Variants in SRGAP3 observed in about 807,000 individuals in gnomAD.
SRGAP3 encodes SLIT-ROBO Rho GTPase-activating protein 3.
A neutral mutation model predicts 121.1 loss-of-function variants in SRGAP3; 39 were observed. The observed-to-expected ratio is 0.32, with a 90% CI of 0.25 to 0.42. The LOEUF (loss-of-function observed/expected upper bound fraction) is 0.42, where lower values mean the gene tolerates loss of function less well. Among genes scored for constraint, SRGAP3 ranks in the 10% least tolerant of loss-of-function variants. SRGAP3 has a pLI of 1.00. For missense variants in SRGAP3, 1,213 were observed against 1,470.6 expected, an observed-to-expected ratio of 0.82 and a Z score of 2.86; for synonymous variants, 601 against 570.0, an observed-to-expected ratio of 1.05 and a Z score of -0.77.
intron 3 of SRGAP3, among the ~76,000 whole-genome samples, chr3:9,319,975 A>G (rs990255632): frequency 6.6e-6 from 1 of 151,930 alleles, no homozygotes; most frequent in African/African-American, 2.4e-5. Context: ...CTGAGAACAA[A>G]GCTGGTCTCA....
chr3:9,120,038 C>T (rs530357708), intron 2 of SRGAP3, among the ~76,000 whole-genome samples: 10 of 152,362 alleles, frequency 6.6e-5, no homozygotes, highest in African/African-American at 2.2e-4. Flanking sequence ...TCAGAATACT[C>T]CATAGTGTAT....
chr3:9,212,249 G>A (rs1574877972), intron 1 of SRGAP3, among the ~76,000 whole-genome samples: 1 of 152,166 alleles, frequency 6.6e-6, no homozygotes, highest in African/African-American at 2.4e-5. Context: ...AACCACGCTG[G>A]TCCCAGCTCC....
At chr3:9,247,846 C>A (rs935633796) in intron 1 of SRGAP3, among the ~76,000 whole-genome samples, 2 of 152,258 alleles carry the variant, frequency 1.3e-5, no homozygotes, top group African/African-American at 4.8e-5. Flanking sequence ...AGGCTTCCCA[C>A]AGGGCACATC....
chr3:9,070,171 T>C (rs1157877536), intron 4 of SRGAP3, among the ~76,000 whole-genome samples: 1 of 152,170 alleles, frequency 6.6e-6, no homozygotes, highest in African/African-American at 2.4e-5. Flanking sequence ...TTTCAGCCCC[T>C]CATTTAAATG....
At chr3:8,992,777 C>A in intron 20 of SRGAP3, 129 bp downstream of exon 20, 1 of 1,549,018 alleles carries the variant, frequency 6.5e-7, no homozygotes, top group Non-Finnish European at 8.9e-7. Context: ...CCCAGTGTGC[C>A]CATTTCATTT....
intron 3 of SRGAP3, among the ~76,000 whole-genome samples, chr3:9,317,399 C>T (rs2125280819): frequency 6.6e-6 from 1 of 152,332 alleles, no homozygotes; most frequent in South Asian, 2.1e-4. Flanking sequence ...TGTTTGCCTG[C>T]AATTCCTTCT....
At chr3:9,319,964 T>G (rs980920963) in intron 3 of SRGAP3, among the ~76,000 whole-genome samples, 6 of 151,922 alleles carry the variant, frequency 3.9e-5, no homozygotes, top group Non-Finnish European at 8.8e-5. Flanking sequence ...GCAGCCTTCT[T>G]CTGAGAACAA....
rs1283809386 is a variant in SRGAP3 at position 9,326,411 on chromosome 3, C to T, written n.284-243G>A. ...TGACTGTCTTCCCAGGTATATGGAA[C>T]CAAACATTGGTTTTAAACTATTTCC... On this transcript the variant is annotated intron_variant and non_coding_transcript_variant, in intron 2 of 3. Transcript: ENST00000490889. Among the ~76,000 whole-genome samples, 3 of 151,856 alleles carry T rather than the reference C, an allele frequency of 2.0e-5. 1 individual carries two copies. The highest frequency in any genetic ancestry group is 6.5e-5 in the Admixed American group (1 of 15,278).
chr3:9,039,329 C>A (rs1330506898), intron 10 of SRGAP3, among the ~76,000 whole-genome samples: 1 of 152,196 alleles, frequency 6.6e-6, no homozygotes, highest in East Asian at 1.9e-4. Context: ...GGAGTGCCAT[C>A]AGGACACAGA....
intron 18 of SRGAP3, among the ~76,000 whole-genome samples, chr3:9,000,619 T>C (rs1449649649): frequency 3.9e-5 from 6 of 152,198 alleles, no homozygotes; most frequent in Non-Finnish European, 5.9e-5. Context: ...TGATGGTTCA[T>C]GAATTTAACG....
chr3:9,321,212 C>G (rs968899606), intron 3 of SRGAP3, among the ~76,000 whole-genome samples: 2 of 151,852 alleles, frequency 1.3e-5, no homozygotes, highest in Non-Finnish European at 2.9e-5. Context: ...AGAGAGTGGA[C>G]AAGCCTTCAG....
chr3:9,187,760 C>T (rs1951642838), intron 1 of SRGAP3, among the ~76,000 whole-genome samples: 1 of 152,218 alleles, frequency 6.6e-6, no homozygotes, highest in Non-Finnish European at 1.5e-5. Context: ...TACCCTCAGG[C>T]TCGATCTCAT....
At chr3:9,304,021 C>T (rs1362397086) in intron 3 of SRGAP3, among the ~76,000 whole-genome samples, 1 of 152,158 alleles carries the variant, frequency 6.6e-6, no homozygotes, top group Non-Finnish European at 1.5e-5. Context: ...GCTATAATAA[C>T]TTCGTCTGGA....
rs73813264 is a variant in SRGAP3 at position 9,026,542 on chromosome 3, T to G, written c.1600+393A>C. On this transcript the variant is annotated intron_variant, in intron 13 of 21. Transcript: ENST00000383836. The stretch of plus-strand genomic sequence containing the variant: ...TTGGTGCAAAAGTAATTGCGGTTTT[T>G]GCCATTCAAAAGTAATAGCAAAAGC... Among the ~76,000 whole-genome samples the G allele has an allele frequency of 4.0e-3, 614 of 152,360 alleles. 6 individuals are homozygous for G. The highest frequency in any genetic ancestry group is 0.014 in the African/African-American group (599 of 41,580).
intron 3 of SRGAP3, among the ~76,000 whole-genome samples, chr3:9,280,993 C>T (rs921613096): frequency 8.5e-5 from 13 of 152,170 alleles, no homozygotes; most frequent in Admixed American, 5.2e-4. Context: ...AGTCTTCCAG[C>T]AGTGGAGGCT....
intron 1 of SRGAP3, among the ~76,000 whole-genome samples, chr3:9,174,623 G>A (rs1035692840): frequency 1.3e-5 from 2 of 152,162 alleles, no homozygotes; most frequent in African/African-American, 2.4e-5. Context: ...ACGCACAGGC[G>A]GGAGTTCACC....
chr3:9,212,885 CAG>C (rs1952493239), intron 1 of SRGAP3, among the ~76,000 whole-genome samples: 1 of 152,194 alleles, frequency 6.6e-6, no homozygotes, highest in African/African-American at 2.4e-5. Context: ...TAGGTGAAGA[CAG>C]AGCCTCCCGG....
intron 1 of SRGAP3, chr3:9,194,434 A>G (rs1951858881): frequency 6.6e-6 from 1 of 152,224 alleles, no homozygotes; most frequent in South Asian, 2.1e-4. Flanking sequence ...TAGGTGCTCA[A>G]TAAATGTTAT....
Position 9,151,118 on chromosome 3 carries a change from T to C in SRGAP3, c.68-26201A>G, listed in dbSNP as rs549076283. On this transcript the variant is annotated intron_variant, in intron 1 of 21. Transcript: ENST00000383836. ...GGGTACAGAATGCCATGCAGTACAGTCAGCTAGTGGTGGGGTGGCAAAGAG... is the reference window on the plus strand; with the variant it reads ...GGGTACAGAATGCCATGCAGTACAGCCAGCTAGTGGTGGGGTGGCAAAGAG... Among the ~76,000 whole-genome samples, 8 of 152,272 alleles carry C rather than the reference T, an allele frequency of 5.3e-5. No individual in the cohort carries two copies. In the South Asian group the frequency reaches 1.7e-3, roughly 32 times the overall value.
Sources: gnomAD v4.1 joint callset for allele counts (sites outside exome capture counted in the v4.1 genomes callset) on GRCh38, gnomAD v4.1.1 for gene constraint, MANE v1.5 for transcripts, NCBI Gene and HGNC (gene_info 2026-07-23, HGNC 2026-07-21) for gene names.